FAM43A: variants seen among roughly 807,000 people sequenced by gnomAD.
FAM43A encodes family with sequence similarity 43 member A.
Under a neutral mutation model 15.7 loss-of-function variants are expected in FAM43A, and 11 were observed. The ratio of observed to expected loss-of-function variants is 0.70; its 90% CI spans 0.44 to 1.16. The LOEUF is 1.16. FAM43A is among the 50% of genes most tolerant of loss of function. FAM43A has a pLI of 0.00. For missense variants in FAM43A, 573 were observed against 620.0 expected (o/e 0.92, Z 0.80); for synonymous variants, 319 against 291.7 (o/e 1.09, Z -0.96).
chr3:194,686,876 C>T lies in FAM43A; in HGVS notation c.50C>T (p.Pro17Leu), dbSNP rs775665669. 1.3e-6 allele frequency: 2 copies of T among 1,597,956 alleles called. No homozygotes were observed. The highest frequency in any genetic ancestry group is 1.7e-5 in the Admixed American group (1 of 58,526). ...HKFELLAEAP[P>L]RQASKPKGYA... ...TTCGAGCTGCTGGCCGAGGCGCCGC[C>T]GCGGCAGGCGTCCAAGCCCAAGGGC... Residue 17 changes from proline (P) to leucine (L), a missense_variant, in exon 1 of 1, where the codon CCG (proline) becomes CTG (leucine). Coordinates refer to ENST00000329759, the MANE Select transcript of FAM43A (RefSeq NM_153690.5).
rs768431896 is a variant in FAM43A at position 194,687,935 on chromosome 3, G to A, written c.1109G>A (p.Arg370His). The A allele has an allele frequency of 5.5e-6, 8 of 1,459,454 alleles. No homozygotes were observed. Among genetic ancestry groups the A allele is most frequent in the Admixed American group, 2.6e-5 (1 of 38,980 alleles). 90.4% of individuals were successfully genotyped at this position (1,459,454 alleles called of 1,614,324 possible). Residue 370 changes from arginine (R) to histidine (H), a missense_variant, in exon 1 of 1, where the codon CGC becomes CAC. Coordinates refer to ENST00000329759, the MANE Select transcript of FAM43A (RefSeq NM_153690.5). ...GAGCTCAGCTTCGGCAACGACGTGC[G>A]CACCCTGCAGGCCGACTTGCGGGTG... is the stretch of plus-strand genomic sequence containing the variant. ...LGELSFGNDVRTLQADLRVTR... is the reference protein window; with the variant it reads ...LGELSFGNDVHTLQADLRVTR...
chr3:194,688,159 C>G lies in FAM43A; in HGVS notation c.*61C>G. ...ACCCATCCGTGGTCCCGACAACCTC[C>G]CTGTCCCTTGCCCGCCCCCAGGAAG... On this transcript the variant is annotated 3_prime_UTR_variant, in exon 1 of 1. Coordinates refer to ENST00000329759, the MANE Select transcript of FAM43A (RefSeq NM_153690.5). 1.6e-6 allele frequency: 2 copies of G among 1,283,410 alleles called. No individual in the cohort carries two copies. Among genetic ancestry groups the G allele is most frequent in the South Asian group, 6.3e-5 (2 of 31,894 alleles). The allele number at this position is 1,283,410 out of a possible 1,614,324, so 79.5% of individuals were successfully genotyped here.
In FAM43A at chr3:194,687,738, C is replaced by A; in HGVS notation, c.912C>A (p.Val304=). ...CCGAGGCGCAGCGTGCGCTAGTGGT[C>A]GCCATGCACTTTGAGTGCGGGGACT... ...EEAEAQRALV[V]AMHFECGDLL... Residue 304 remains valine (V), a synonymous_variant, in exon 1 of 1, where the codon GTC becomes GTA. Transcript: ENST00000329759. 1 of 1,553,716 alleles carries A rather than the reference C, an allele frequency of 6.4e-7. No homozygotes were observed. The highest frequency in any genetic ancestry group is 8.7e-7 in the Non-Finnish European group (1 of 1,147,436).
chr3:194,688,240 C>T lies in FAM43A; in HGVS notation c.*142C>T, dbSNP rs1361971093. 59 of 1,006,484 alleles carry T rather than the reference C, an allele frequency of 5.9e-5. No homozygotes were observed. The highest frequency in any genetic ancestry group is 7.2e-5 in the Non-Finnish European group (55 of 769,202). 62.3% of individuals were successfully genotyped at this position (1,006,484 alleles called of 1,614,324 possible). ...ACACTTGGAGCCCAGGTCCAGCGTT[C>T]CCCCGACCGCTTTCCCCTACCTCCC... On this transcript the variant is annotated 3_prime_UTR_variant, in exon 1 of 1. Transcript: ENST00000329759.
Position 194,688,099 on chromosome 3 carries a change from G to A in FAM43A, c.*1G>A. The A allele has an allele frequency of 7.5e-7, 1 of 1,337,054 alleles. No homozygotes were observed. Among genetic ancestry groups the A allele is most frequent in the African/African-American group, 1.5e-5 (1 of 65,920 alleles). The allele number at this position is 1,337,054 out of a possible 1,614,324, so 82.8% of individuals were successfully genotyped here. A position where few individuals can be genotyped will look rare whatever the true frequency, so the allele number is the denominator to read the frequency against. ...TGCAGACGAGCCCCACTCGGGCTGAGCTCCTCCGCGCGTCGCCGGCGCTCC... is the reference window on the plus strand; with the variant it reads ...TGCAGACGAGCCCCACTCGGGCTGAACTCCTCCGCGCGTCGCCGGCGCTCC... On this transcript the variant is annotated 3_prime_UTR_variant, in exon 1 of 1. Transcript: ENST00000329759.
Position 194,688,270 on chromosome 3 carries a change from C to T in FAM43A, c.*172C>T, listed in dbSNP as rs571591959. On this transcript the variant is annotated 3_prime_UTR_variant, in exon 1 of 1. Transcript: ENST00000329759. ...GACCGCTTTCCCCTACCTCCCGGCC[C>T]CCGCTCCCGCCCCAGCACTTTTGGC... 1.3e-4 allele frequency: 91 copies of T among 721,770 alleles called. No homozygotes were observed. The highest frequency in any genetic ancestry group is 1.2e-3 in the African/African-American group (67 of 54,236). The allele number at this position is 721,770 out of a possible 1,614,324, so 44.7% of individuals were successfully genotyped here. A position where few individuals can be genotyped will look rare whatever the true frequency, so the allele number is the denominator to read the frequency against.
rs1719421577 is a variant in FAM43A, at chr3:194,686,578, CACCA to C, written c.-245_-242del. On this transcript the variant is annotated 5_prime_UTR_variant, in exon 1 of 1. Transcript: ENST00000329759. ...TCTGTGTGCGCGCGTGTCTCCCCCGCACCAACCTTTTTTGCACACTCGAAGCTGA... is the reference window on the plus strand; with the variant it reads ...TCTGTGTGCGCGCGTGTCTCCCCCGCACCTTTTTTGCACACTCGAAGCTGA... 2 of 358,412 alleles carry C rather than the reference CACCA, an allele frequency of 5.6e-6. No individual in the cohort carries two copies. The highest frequency in any genetic ancestry group is 9.8e-6 in the Non-Finnish European group (2 of 203,460). 22.2% of individuals were successfully genotyped at this position (358,412 alleles called of 1,614,324 possible).
Position 194,686,925 on chromosome 3 carries a change from G to C in FAM43A, c.99G>C (p.Ser33=), listed in dbSNP as rs1719430880. Residue 33 remains serine, a synonymous_variant, in exon 1 of 1, where the codon TCG becomes TCC. Transcript: ENST00000329759. The part of the protein sequence containing the change: ...PKGYAVSLHY[S]ALSSLARACP... ...GCTACGCTGTGAGCCTGCACTACTC[G>C]GCGCTCAGCTCGCTGGCGCGGGCGT... 1 of 1,609,734 alleles carries C rather than the reference G, an allele frequency of 6.2e-7. No homozygotes were observed. The highest frequency in any genetic ancestry group is 8.5e-7 in the Non-Finnish European group (1 of 1,177,760).
rs1279760324 is a variant in FAM43A, at chr3:194,688,115, C to T, written c.*17C>T. On this transcript the variant is annotated 3_prime_UTR_variant, in exon 1 of 1. Coordinates refer to ENST00000329759, the MANE Select transcript of FAM43A (RefSeq NM_153690.5). The stretch of plus-strand genomic sequence containing the variant: ...TCGGGCTGAGCTCCTCCGCGCGTCG[C>T]CGGCGCTCCACCGTGGCTACCCATC... The T allele has an allele frequency of 1.5e-6, 2 of 1,325,348 alleles. No homozygotes were observed. The highest frequency in any genetic ancestry group is 1.9e-6 in the Non-Finnish European group (2 of 1,031,800). The allele number at this position is 1,325,348 out of a possible 1,614,324, so 82.1% of individuals were successfully genotyped here.
In FAM43A at chr3:194,687,347, T is replaced by A; in HGVS notation, c.521T>A (p.Leu174Gln). Residue 174 changes from leucine (L) to glutamine (Q), a missense_variant, in exon 1 of 1, where the codon CTG becomes CAG. Coordinates refer to ENST00000329759, the MANE Select transcript of FAM43A (RefSeq NM_153690.5). ...GTGATGCTGCGCTGCCACGCCGTGC[T>A]GGTGTCCAAGCCCGAAAAGGCGCAG... ...KAVMLRCHAV[L>Q]VSKPEKAQAM... 1 of 1,542,308 alleles carries A rather than the reference T, an allele frequency of 6.5e-7. No individual in the cohort carries two copies. The highest frequency in any genetic ancestry group is 8.7e-7 in the Non-Finnish European group (1 of 1,149,248).
In FAM43A at chr3:194,687,714, C is replaced by T; in HGVS notation, c.888C>T (p.Ala296=). 6.4e-7 allele frequency: 1 copy of T among 1,559,900 alleles called. No homozygotes were observed. The highest frequency in any genetic ancestry group is 8.7e-7 in the Non-Finnish European group (1 of 1,151,762). Residue 296 remains alanine, a synonymous_variant, in exon 1 of 1, where the codon GCC becomes GCT. Transcript: ENST00000329759. ...AGGGAGATCCAGCAGAGGAGGAGGCCGAGGCGCAGCGTGCGCTAGTGGTCG... is the reference window on the plus strand; with the variant it reads ...AGGGAGATCCAGCAGAGGAGGAGGCTGAGGCGCAGCGTGCGCTAGTGGTCG... ...AAEGDPAEEE[A]EAQRALVVAM... is the part of the protein sequence containing the mutation.
At position 194,687,070 on chromosome 3, in the gene FAM43A, C is replaced by G; in HGVS notation, c.244C>G (p.Gln82Glu). 1 of 1,613,640 alleles carries G rather than the reference C, an allele frequency of 6.2e-7. No homozygotes were observed. Among genetic ancestry groups the G allele is most frequent in the South Asian group, 1.1e-5 (1 of 91,066 alleles). The change falls in exon 1 of 1, where the codon CAG (glutamine) becomes GAG (glutamate). Residue 82 changes from glutamine (Q) to glutamate (E), a missense_variant. Coordinates refer to ENST00000329759, the MANE Select transcript of FAM43A (RefSeq NM_153690.5). The part of the protein sequence containing the change: ...VLYLGNATTI[Q>E]ARGDGCTDLA... ...CTACCTGGGCAATGCCACCACCATC[C>G]AGGCGCGCGGCGACGGCTGCACCGA...
In FAM43A at chr3:194,686,207, T is replaced by G. The variant is rs1719413137; in HGVS notation, c.-620T>G. Among the ~76,000 whole-genome samples, 1 of 152,168 alleles carries G rather than the reference T, an allele frequency of 6.6e-6. No homozygotes were observed. Among genetic ancestry groups the G allele is most frequent in the African/African-American group, 2.4e-5 (1 of 41,440 alleles). On this transcript the variant is annotated 5_prime_UTR_variant, in exon 1 of 1. Transcript: ENST00000329759. ...CCGGACCCAGCATCCGACCGCACTT[T>G]GGGCGAGCTGCTGACTTGAGACCAG...
Position 194,688,741 on chromosome 3 carries a change from G to A in FAM43A, c.*643G>A, listed in dbSNP as rs1374705990. ...TTAAAGACATCCAATATCTTAAAAAGGAGTTTTCCTTTAGAAACACACACA... is the reference window on the plus strand; with the variant it reads ...TTAAAGACATCCAATATCTTAAAAAAGAGTTTTCCTTTAGAAACACACACA... On this transcript the variant is annotated 3_prime_UTR_variant, in exon 1 of 1. Transcript: ENST00000329759. The A allele has an allele frequency of 6.0e-6, 1 of 166,702 alleles. No homozygotes were observed. Among genetic ancestry groups the A allele is most frequent in the East Asian group, 1.9e-4 (1 of 5,152 alleles). The allele number at this position is 166,702 out of a possible 1,614,324, so 10.3% of individuals were successfully genotyped here. A position where few individuals can be genotyped will look rare whatever the true frequency, so the allele number is the denominator to read the frequency against.
In FAM43A at chr3:194,686,115, G is replaced by A. The variant is rs35285202; in HGVS notation, c.-712G>A. On this transcript the variant is annotated 5_prime_UTR_variant, in exon 1 of 1. Coordinates refer to ENST00000329759, the MANE Select transcript of FAM43A (RefSeq NM_153690.5). The stretch of plus-strand genomic sequence containing the variant: ...CTGAGCGGGCCGAGCGCGAGTCCCC[G>A]GCGTCCGGCGGAGCGAAGATGCAGT... 0.095 allele frequency among the ~76,000 whole-genome samples: 14,390 copies of A among 152,238 alleles called. 1,420 individuals carry two copies. Among genetic ancestry groups the A allele is most frequent in the African/African-American group, 0.25 (10,254 of 41,532 alleles).
At position 194,686,050 on chromosome 3, in the gene FAM43A, C is replaced by T. The variant is rs1312459544; in HGVS notation, c.-777C>T. 1.3e-5 allele frequency among the ~76,000 whole-genome samples: 2 copies of T among 152,226 alleles called. No individual in the cohort carries two copies. The highest frequency in any genetic ancestry group is 1.9e-4 in the East Asian group (1 of 5,192). On this transcript the variant is annotated 5_prime_UTR_variant, in exon 1 of 1. Transcript: ENST00000329759. The stretch of plus-strand genomic sequence containing the variant: ...GACCCGGCCATGCCCGTCCCCTGTT[C>T]TCGGAGCCCAGCGCCGTCTCGGCCA...
Position 194,687,179 on chromosome 3 carries a change from T to C in FAM43A, c.353T>C (p.Ile118Thr). Residue 118 changes from isoleucine to threonine, a missense_variant, in exon 1 of 1, where the codon ATC (isoleucine) becomes ACC (threonine). Coordinates refer to ENST00000329759, the MANE Select transcript of FAM43A (RefSeq NM_153690.5). Reference sequence around the variant, plus strand: ...AAGCTGACGGTGAGTGCGCAGGGTATCCGCATGGTGCACGCCGAGGAGCGC... The same window carrying C: ...AAGCTGACGGTGAGTGCGCAGGGTACCCGCATGGTGCACGCCGAGGAGCGC... ...KMKLTVSAQGIRMVHAEERAL... is the reference protein window; with the variant it reads ...KMKLTVSAQGTRMVHAEERAL... 6.2e-7 allele frequency: 1 copy of C among 1,610,534 alleles called. No individual in the cohort carries two copies. Among genetic ancestry groups the C allele is most frequent in the Non-Finnish European group, 8.5e-7 (1 of 1,179,842 alleles).
Position 194,686,237 on chromosome 3 carries a change from A to G in FAM43A, c.-590A>G, listed in dbSNP as rs1773221. 0.68 allele frequency among the ~76,000 whole-genome samples: 103,389 copies of G among 151,824 alleles called. 35,641 individuals carry two copies. The highest frequency in any genetic ancestry group is 0.79 in the African/African-American group (32,728 of 41,420). ...GAGCTGCTGACTTGAGACCAGCCCA[A>G]ACGGGGGGCTTTCCATCTCCAGCAC... is the stretch of plus-strand genomic sequence containing the variant. On this transcript the variant is annotated 5_prime_UTR_variant, in exon 1 of 1. Coordinates refer to ENST00000329759, the MANE Select transcript of FAM43A (RefSeq NM_153690.5).
In FAM43A at chr3:194,686,475, T is replaced by C. The variant is rs813153; in HGVS notation, c.-352T>C. 0.67 allele frequency: 137,274 copies of C among 204,910 alleles called. 46,771 individuals carry two copies. Among genetic ancestry groups the C allele is most frequent in the African/African-American group, 0.79 (34,285 of 43,306 alleles). 12.7% of individuals were successfully genotyped at this position (204,910 alleles called of 1,614,324 possible). On this transcript the variant is annotated 5_prime_UTR_variant, in exon 1 of 1. Transcript: ENST00000329759. ...GCTTTTTTCCTGACATTTTCCACTC[T>C]ACGCTCGTTCTTTCTCCCTTGCATT... is the stretch of plus-strand genomic sequence containing the variant.
Sources: gnomAD v4.1 joint callset for allele counts (sites outside exome capture counted in the v4.1 genomes callset) on GRCh38, gnomAD v4.1.1 for gene constraint, MANE v1.5 for transcripts, NCBI Gene and HGNC (gene_info 2026-07-23, HGNC 2026-07-21) for gene names.